MACROD1: variants seen among roughly 807,000 people sequenced by gnomAD.
MACROD1 encodes mono-ADP ribosylhydrolase 1.
Under a neutral mutation model 41.4 loss-of-function variants are expected in MACROD1, and 31 were observed. The observed-to-expected ratio is 0.75, with a 90% CI of 0.56 to 1.01. The LOEUF (loss-of-function observed/expected upper bound fraction) is 1.01, where lower values mean the gene tolerates loss of function less well. MACROD1 is among the 50% of genes least tolerant of loss of function. The pLI, the probability that MACROD1 is intolerant of heterozygous loss-of-function variation, is 0.00. For missense variants in MACROD1, 473 were observed against 460.0 expected, an observed-to-expected ratio of 1.03 and a Z score of -0.26; for synonymous variants, 252 against 203.4, an observed-to-expected ratio of 1.24 and a Z score of -2.03.
At chr11:64,009,987 T>TTGTTGCCTGGGG (rs1449007345) in intron 4 of MACROD1, among the ~76,000 whole-genome samples, 9 of 146,538 alleles carry the variant, frequency 6.1e-5, no homozygotes, top group Non-Finnish European at 9.1e-5. Context: ...GTTGGTTGGG[T>TTGTTGCCTGGGG]TGTTGCCTGG....
At chr11:64,026,142 T>C (rs1204280922) in intron 3 of MACROD1, among the ~76,000 whole-genome samples, 1 of 152,104 alleles carries the variant, frequency 6.6e-6, no homozygotes, top group African/African-American at 2.4e-5. Context: ...GATTGTGCCA[T>C]TGCACTCCAG....
intron 3 of MACROD1, among the ~76,000 whole-genome samples, chr11:64,081,411 A>C (rs377180519): frequency 6.6e-6 from 1 of 152,178 alleles, no homozygotes; most frequent in Admixed American, 6.5e-5. Flanking sequence ...TTACAACAGC[A>C]CTGTGGTCCT....
At chr11:64,028,177 T>TG (rs1486231388) in intron 3 of MACROD1, among the ~76,000 whole-genome samples, 9 of 131,066 alleles carry the variant, frequency 6.9e-5, no homozygotes, top group African/African-American at 2.5e-4. Flanking sequence ...GGGAGGCGCA[T>TG]GGGAAGGGCC....
chr11:64,078,149 T>G (rs961899313), intron 3 of MACROD1, among the ~76,000 whole-genome samples: 1 of 152,106 alleles, frequency 6.6e-6, no homozygotes, highest in Admixed American at 6.5e-5. Context: ...CCTCTCAACC[T>G]CAACCCTCCT....
intron 3 of MACROD1, among the ~76,000 whole-genome samples, chr11:64,131,729 C>A (rs1173991926): frequency 6.6e-6 from 1 of 152,236 alleles, no homozygotes; most frequent in Admixed American, 6.5e-5. Flanking sequence ...TGAGCACCTA[C>A]TGCATGCCAG....
intron 3 of MACROD1, among the ~76,000 whole-genome samples, chr11:64,039,427 T>G (rs1590824526): frequency 6.6e-6 from 1 of 151,490 alleles, no homozygotes; most frequent in African/African-American, 2.4e-5. Flanking sequence ...TAGCGGGGGG[T>G]CCCTCCTCAG....
intron 3 of MACROD1, among the ~76,000 whole-genome samples, chr11:64,094,771 C>T (rs1944548610): frequency 6.6e-6 from 1 of 152,236 alleles, no homozygotes; most frequent in Non-Finnish European, 1.5e-5. Context: ...GAAAGTCACC[C>T]CTGACCCCAC....
At chr11:64,013,141 A>G (rs926909229) in intron 4 of MACROD1, among the ~76,000 whole-genome samples, 4 of 151,922 alleles carry the variant, frequency 2.6e-5, no homozygotes, top group African/African-American at 7.3e-5. Flanking sequence ...AGCACTTATT[A>G]TAAGTGCCAG....
At chr11:64,033,837 GC>G (rs1002838352) in intron 3 of MACROD1, among the ~76,000 whole-genome samples, 1 of 151,524 alleles carries the variant, frequency 6.6e-6, no homozygotes, top group African/African-American at 2.4e-5. Flanking sequence ...GTGAAACGCC[GC>G]CCCCCCAAAA....
intron 1 of MACROD1, among the ~76,000 whole-genome samples, chr11:64,163,142 C>CAAACAAAT (rs1945783019): frequency 1.3e-5 from 2 of 149,906 alleles, no homozygotes; most frequent in Non-Finnish European, 3.0e-5. Context: ...AACAAACAAA[C>CAAACAAAT]AAACAAACAA....
At position 64,114,156 on chromosome 11, in the gene MACROD1, G is replaced by A. The variant is rs561976568; in HGVS notation, c.517+37083C>T. On this transcript the variant is annotated intron_variant, in intron 3 of 10. Coordinates refer to ENST00000255681, the MANE Select transcript of MACROD1 (RefSeq NM_014067.4). ...CATGCCTGAATGGATGAATGAACAA[G>A]TGGATGGATGCATGGATGCCTGGAT... 2.1e-5 allele frequency among the ~76,000 whole-genome samples: 3 copies of A among 144,160 alleles called. No individual in the cohort carries two copies. The East Asian group carries it at 6.7e-4, about 32-fold the overall frequency. 94.6% of individuals were successfully genotyped at this position (144,160 alleles called of 152,430 possible). A position where few individuals can be genotyped will look rare whatever the true frequency, so the allele number is the denominator to read the frequency against.
intron 3 of MACROD1, among the ~76,000 whole-genome samples, chr11:64,074,873 A>G (rs915190108): frequency 6.6e-6 from 1 of 152,148 alleles, no homozygotes; most frequent in African/African-American, 2.4e-5. Context: ...CAGGATCCTG[A>G]ACATGCCCCT....
intron 4 of MACROD1, among the ~76,000 whole-genome samples, chr11:64,006,880 G>GGA (rs1302036547): frequency 6.6e-6 from 1 of 152,164 alleles, no homozygotes; most frequent in Admixed American, 6.5e-5. Context: ...GATTCTTCAG[G>GGA]GAGAGGTTCA....
intron 3 of MACROD1, among the ~76,000 whole-genome samples, chr11:64,088,571 C>A (rs1347037142): frequency 6.6e-6 from 1 of 151,960 alleles, no homozygotes; most frequent in Non-Finnish European, 1.5e-5. Flanking sequence ...GTGTGTTTCT[C>A]CTGGCCTGGA....
At chr11:64,030,916 G>C (rs1026430503) in intron 3 of MACROD1, among the ~76,000 whole-genome samples, 2 of 151,890 alleles carry the variant, frequency 1.3e-5, no homozygotes, top group African/African-American at 4.8e-5. Context: ...GGTGGGTGGT[G>C]GGGATGTGGG....
intron 3 of MACROD1, among the ~76,000 whole-genome samples, chr11:64,059,027 T>C (rs1943846577): frequency 6.6e-6 from 1 of 152,154 alleles, no homozygotes; most frequent in Non-Finnish European, 1.5e-5. Context: ...GAGGAGTGCC[T>C]GATGCTCTTT....
intron 3 of MACROD1, 81 bp from the exon 4 acceptor site, chr11:64,015,362 A>C: frequency 5.8e-6 from 8 of 1,386,724 alleles, no homozygotes; most frequent in East Asian, 2.5e-5. Context: ...GGGTGATGTC[A>C]AGATGGGAGT....
chr11:64,001,744 G>A (rs752182371), intron 4 of MACROD1: 2 of 702,166 alleles, frequency 2.8e-6, no homozygotes, highest in Non-Finnish European at 5.2e-6. Context: ...CCCAGGGCGA[G>A]GCTGAGATGG....
At position 64,000,291 on chromosome 11, in the gene MACROD1, C is replaced by T. The variant is rs761908034; in HGVS notation, c.600G>A (p.Arg200=). 6.2e-7 allele frequency: 1 copy of T among 1,600,608 alleles called. No homozygotes were observed. The highest frequency in any genetic ancestry group is 1.1e-5 in the South Asian group (1 of 88,960). ...TGCCAGTCTTACAGCTCTGCAGGGT[C>T]CGGCACTCGTCGGTAAGCAGGGGGC... The part of the protein sequence containing the change: ...AAGPLLTDEC[R]TLQSCKTGKA... Residue 200 remains arginine, a synonymous_variant, in exon 5 of 11, where the codon CGG becomes CGA. Coordinates refer to ENST00000255681, the MANE Select transcript of MACROD1 (RefSeq NM_014067.4).
Sources: allele counts gnomAD v4.1 joint callset (sites outside exome capture counted in the v4.1 genomes callset), GRCh38; gene constraint gnomAD v4.1.1; transcripts MANE v1.5; gene names NCBI Gene and HGNC (gene_info 2026-07-23, HGNC 2026-07-21).